SCFD2: variants seen among roughly 807,000 people sequenced by gnomAD.
SCFD2 encodes sec1 family domain containing 2.
Under a neutral mutation model 58.9 loss-of-function variants are expected in SCFD2, and 54 were observed. That is an observed-to-expected ratio of 0.92 (90% CI 0.74 to 1.15). The LOEUF (loss-of-function observed/expected upper bound fraction) is 1.15. SCFD2 is among the 50% of genes most tolerant of loss of function. The pLI is 0.00. For missense variants in SCFD2, 805 were observed against 836.6 expected (o/e 0.96, Z 0.47); for synonymous variants, 321 against 335.9 (o/e 0.96, Z 0.49).
intron 6 of SCFD2, among the ~76,000 whole-genome samples, chr4:52,916,096 G>A (rs1020267934): frequency 2.0e-5 from 3 of 152,188 alleles, no homozygotes; most frequent in Admixed American, 6.5e-5. Flanking sequence ...CAAGCCATGC[G>A]AGAGCCATAC....
At chr4:53,330,470 C>T (rs56108443) in intron 2 of SCFD2, among the ~76,000 whole-genome samples, 2 of 151,926 alleles carry the variant, frequency 1.3e-5, no homozygotes, top group East Asian at 1.9e-4. Flanking sequence ...AATTTTCAAC[C>T]CAGAATTTCA....
At chr4:53,301,672 C>A (rs1201682631) in intron 3 of SCFD2, among the ~76,000 whole-genome samples, 1 of 152,136 alleles carries the variant, frequency 6.6e-6, no homozygotes, top group Non-Finnish European at 1.5e-5. Context: ...AGACCAATAT[C>A]ATTGATGAAC....
chr4:53,085,083 AAAG>A (rs757848372), intron 5 of SCFD2, among the ~76,000 whole-genome samples: 1 of 152,208 alleles, frequency 6.6e-6, no homozygotes, highest in Non-Finnish European at 1.5e-5. Context: ...AACTGGAAAG[AAAG>A]AAGTCAAATT....
At chr4:52,893,331 C>G (rs973341368) in intron 7 of SCFD2, among the ~76,000 whole-genome samples, 1 of 151,990 alleles carries the variant, frequency 6.6e-6, no homozygotes, top group Non-Finnish European at 1.5e-5. Context: ...TCAGCCTCCC[C>G]AGCAGCCGGA....
chr4:53,261,698 A>C (rs1339066639), intron 4 of SCFD2, among the ~76,000 whole-genome samples: 1 of 152,130 alleles, frequency 6.6e-6, no homozygotes, highest in Non-Finnish European at 1.5e-5. Context: ...CATATTCTGC[A>C]GTTGTTGGAT....
chr4:53,154,012 C>T (rs1406268172), intron 4 of SCFD2, among the ~76,000 whole-genome samples: 4 of 152,184 alleles, frequency 2.6e-5, no homozygotes. Context: ...AACTATTGAA[C>T]CACTCTCTAA....
At chr4:52,908,482 A>C (rs1719400408) in intron 6 of SCFD2, among the ~76,000 whole-genome samples, 1 of 152,180 alleles carries the variant, frequency 6.6e-6, no homozygotes, top group African/African-American at 2.4e-5. Flanking sequence ...ATCTTCCCTC[A>C]ATGCACTCTC....
intron 2 of SCFD2, among the ~76,000 whole-genome samples, chr4:53,321,308 C>A (rs1733015536): frequency 6.6e-6 from 1 of 151,936 alleles, no homozygotes; most frequent in Admixed American, 6.6e-5. Context: ...ATGCAGTCTG[C>A]TAGAAACTAA....
At chr4:53,284,843 T>G (rs1347914092) in intron 3 of SCFD2, among the ~76,000 whole-genome samples, 1 of 152,168 alleles carries the variant, frequency 6.6e-6, no homozygotes, top group Non-Finnish European at 1.5e-5. Context: ...GCCAACCATA[T>G]AGTGAAAGTT....
At chr4:53,268,999 G>A (rs899050868) in intron 4 of SCFD2, among the ~76,000 whole-genome samples, 7 of 152,236 alleles carry the variant, frequency 4.6e-5, no homozygotes, top group Non-Finnish European at 7.4e-5. Context: ...GGGAAAACTG[G>A]AATGAACCCT....
At chr4:53,188,225 A>G (rs1008310304) in intron 4 of SCFD2, among the ~76,000 whole-genome samples, 3 of 152,204 alleles carry the variant, frequency 2.0e-5, no homozygotes, top group Non-Finnish European at 4.4e-5. Flanking sequence ...ATTATGGAAG[A>G]TTTAGTGATC....
chr4:52,961,058 T>A (rs1720842225), intron 5 of SCFD2, among the ~76,000 whole-genome samples: 1 of 152,182 alleles, frequency 6.6e-6, no homozygotes, highest in Non-Finnish European at 1.5e-5. Context: ...GCACAGAGAA[T>A]GACTGCAGTC....
chr4:53,135,800 TA>T (rs930442944), intron 5 of SCFD2, among the ~76,000 whole-genome samples: 19 of 152,190 alleles, frequency 1.2e-4, no homozygotes, highest in African/African-American at 4.6e-4. Context: ...TTGTCCCTTT[TA>T]GTAAGACTAT....
At chr4:53,352,912 C>G (rs1207107019) in intron 1 of SCFD2, 146 bp from the exon 2 acceptor site, 17 of 683,566 alleles carry the variant, frequency 2.5e-5, no homozygotes, top group Non-Finnish European at 4.0e-5. Flanking sequence ...CTTCATACAG[C>G]TAATCACATT....
intron 2 of SCFD2, among the ~76,000 whole-genome samples, chr4:53,328,477 T>C (rs1401189413): frequency 1.3e-5 from 2 of 152,124 alleles, no homozygotes; most frequent in African/African-American, 2.4e-5. Context: ...GGGGATCTCA[T>C]TGACCAAATA....
At chr4:53,230,220 C>T (rs1427665307) in intron 4 of SCFD2, among the ~76,000 whole-genome samples, 6 of 152,150 alleles carry the variant, frequency 3.9e-5, no homozygotes, top group African/African-American at 1.4e-4. Context: ...GTGGCGATTC[C>T]TCAGGGATCT....
At chr4:53,088,313 A>C (rs1560330073) in intron 5 of SCFD2, among the ~76,000 whole-genome samples, 2 of 152,110 alleles carry the variant, frequency 1.3e-5, no homozygotes, top group Non-Finnish European at 2.9e-5. Context: ...AATCAGCCAG[A>C]TCTCCTCCAC....
intron 5 of SCFD2, among the ~76,000 whole-genome samples, chr4:53,044,489 ACTTCCTTCCTTC>A (rs536906756): frequency 2.1e-5 from 3 of 145,884 alleles, no homozygotes; most frequent in African/African-American, 5.1e-5. Flanking sequence ...CTTTACAGGA[ACTTCCTTCCTTC>A]CTTCCTTCCT....
rs530596871 is a variant in SCFD2, at chr4:52,899,293, G to T, written c.1842+8164C>A. ...GTTTTTGCAGTGGCTGGTACCGGTT[G>T]TTCCTTTCCATGTTTAGTGCTTCTT... On this transcript the variant is annotated intron_variant, in intron 7 of 8. Coordinates refer to ENST00000401642, the MANE Select transcript of SCFD2 (RefSeq NM_152540.4). Among the ~76,000 whole-genome samples the T allele has an allele frequency of 3.9e-5, 6 of 152,314 alleles. No individual in the cohort carries two copies. In the East Asian group the frequency reaches 9.6e-4, roughly 24 times the overall value.
Sources: gnomAD v4.1 joint callset for allele counts (sites outside exome capture counted in the v4.1 genomes callset) on GRCh38, gnomAD v4.1.1 for gene constraint, MANE v1.5 for transcripts, NCBI Gene and HGNC (gene_info 2026-07-23, HGNC 2026-07-21) for gene names.